CLTC: variants seen among roughly 807,000 people sequenced by gnomAD.
CLTC encodes the protein clathrin heavy chain, also known as clathrin heavy chain 1.
In CLTC, 16 loss-of-function variants were observed where a neutral mutation model predicts 195.8. The ratio of observed to expected loss-of-function variants is 0.08; its 90% CI spans 0.06 to 0.12. CLTC has a LOEUF of 0.12. CLTC is among the 10% of genes least tolerant of loss of function. CLTC has a pLI of 1.00. For synonymous variants in CLTC, 667 were observed against 689.4 expected, an observed-to-expected ratio of 0.97 and a Z score of 0.51; for missense variants, 796 against 2,027.0, an observed-to-expected ratio of 0.39 and a Z score of 11.66.
rs759874934 is a variant in CLTC, at chr17:59,663,952, A to G, written c.1479A>G (p.Ala493=). The G allele has an allele frequency of 1.2e-6, 2 of 1,613,894 alleles. No individual in the cohort carries two copies. The highest frequency in any genetic ancestry group is 1.7e-6 in the Non-Finnish European group (2 of 1,179,896). Residue 493 remains alanine, a synonymous_variant, in exon 9 of 32, where the codon GCA becomes GCG. Coordinates refer to ENST00000269122, the MANE Select transcript of CLTC (RefSeq NM_004859.4). The stretch of plus-strand genomic sequence containing the variant: ...CAAATAAAGTCATTCAGTGCTTTGC[A>G]GAAACAGGTCAAGTCCAAAAGATTG... The part of the protein sequence containing the change: ...NVPNKVIQCF[A]ETGQVQKIVL...
intron 31 of CLTC, 82 bp downstream of exon 31, chr17:59,690,793 C>T: frequency 1.8e-6 from 2 of 1,082,974 alleles, no homozygotes; most frequent in Non-Finnish European, 2.7e-6. Flanking sequence ...TAGAATACAA[C>T]AAGCTTCTAA....
chr17:59,647,197 T>C (rs551038766), intron 2 of CLTC, among the ~76,000 whole-genome samples: 3 of 152,310 alleles, frequency 2.0e-5, no homozygotes, highest in East Asian at 3.9e-4. Flanking sequence ...TTATTAGAGG[T>C]AATGTAGTTT....
chr17:59,657,502 C>T (rs1422268050), intron 6 of CLTC, among the ~76,000 whole-genome samples: 1 of 152,142 alleles, frequency 6.6e-6, no homozygotes, highest in Non-Finnish European at 1.5e-5. Flanking sequence ...CTCAGTGGCT[C>T]ATACCTGTAA....
rs1380829559 is a variant in CLTC at position 59,695,661 on chromosome 17, G to C, written c.*1809G>C. The C allele has an allele frequency of 1.1e-5, 2 of 180,178 alleles. No homozygotes were observed. The highest frequency in any genetic ancestry group is 4.7e-5 in the African/African-American group (2 of 42,216). The allele number at this position is 180,178 out of a possible 1,614,324, so 11.2% of individuals were successfully genotyped here. A position where few individuals can be genotyped will look rare whatever the true frequency, so the allele number is the denominator to read the frequency against. On this transcript the variant is annotated 3_prime_UTR_variant, in exon 32 of 32. Coordinates refer to ENST00000269122, the MANE Select transcript of CLTC (RefSeq NM_004859.4). The stretch of plus-strand genomic sequence containing the variant: ...TCCTGGGTGACAGAATGAGACTCTT[G>C]TCTCAAAAAACAAAAAAACCTATTT...
intron 30 of CLTC, among the ~76,000 whole-genome samples, chr17:59,688,616 T>C (rs770862982): frequency 6.6e-6 from 1 of 152,246 alleles, no homozygotes; most frequent in Non-Finnish European, 1.5e-5. Context: ...ACTTTTTGCT[T>C]AGCTTGATGC....
chr17:59,641,353 T>C (rs1013860234), intron 1 of CLTC, among the ~76,000 whole-genome samples: 6 of 151,540 alleles, frequency 4.0e-5, no homozygotes, highest in Non-Finnish European at 7.4e-5. Flanking sequence ...CTGACTGACT[T>C]GTCTAGACTG....
At chr17:59,686,802 A>G (rs558025472) in intron 30 of CLTC, among the ~76,000 whole-genome samples, 17 of 152,340 alleles carry the variant, frequency 1.1e-4, no homozygotes, top group Admixed American at 2.6e-4. Flanking sequence ...ATACTGTAGC[A>G]TAAATTCTTC....
intron 1 of CLTC, among the ~76,000 whole-genome samples, chr17:59,623,309 G>A (rs1356045342): frequency 6.6e-6 from 1 of 152,162 alleles, no homozygotes. Flanking sequence ...ATGCTTAGTT[G>A]TACTCTCTGG....
intron 9 of CLTC, 146 bp from the exon 10 acceptor site, chr17:59,664,641 A>C: frequency 4.5e-6 from 3 of 662,504 alleles, no homozygotes; most frequent in Non-Finnish European, 7.1e-6. Flanking sequence ...TGTCATCACC[A>C]AGGTCTAACT....
chr17:59,656,657 ATTATT>A (rs891025597), intron 6 of CLTC, among the ~76,000 whole-genome samples: 7 of 136,690 alleles, frequency 5.1e-5, no homozygotes, highest in Non-Finnish European at 1.1e-4. Context: ...CTGTCATCTT[ATTATT>A]TTAATTTTTT....
chr17:59,645,017 A>G (rs1445125860), intron 2 of CLTC, among the ~76,000 whole-genome samples: 1 of 152,248 alleles, frequency 6.6e-6, no homozygotes, highest in African/African-American at 2.4e-5. Flanking sequence ...ACATATATCT[A>G]CTTAGAATAA....
Position 59,666,413 on chromosome 17 carries a change from A to G in CLTC, c.1783-67A>G, listed in dbSNP as rs1348753185. The G allele has an allele frequency of 6.4e-7, 1 of 1,560,262 alleles. No individual in the cohort carries two copies. Among genetic ancestry groups the G allele is most frequent in the Non-Finnish European group, 8.7e-7 (1 of 1,144,806 alleles). Reference sequence around the variant, plus strand: ...GTTCACTATTAAACCTTAATCTGTAATACGGATATTGAATTACTCATGTAA... The same window carrying G: ...GTTCACTATTAAACCTTAATCTGTAGTACGGATATTGAATTACTCATGTAA... On this transcript the variant is annotated intron_variant, in intron 11 of 31. Coordinates refer to ENST00000269122, the MANE Select transcript of CLTC (RefSeq NM_004859.4). This position sits in a 1 kb window ranked among gnomAD's most constrained non-coding sequence, Gnocchi z 4.9.
intron 6 of CLTC, 35 bp from the exon 7 acceptor site, chr17:59,660,356 C>A: frequency 6.4e-7 from 1 of 1,565,076 alleles, no homozygotes. Context: ...TCCAAATGAA[C>A]ACATTGCAGC....
chr17:59,620,086 C>T lies in CLTC; in HGVS notation c.-46C>T, dbSNP rs1172993153. On this transcript the variant is annotated 5_prime_UTR_variant, in exon 1 of 32. Transcript: ENST00000269122. ...CTTGGAGAGCCCGGGCAGCCACTGC[C>T]CCGCAGCCCCAGTGACAGGAGGAGA... is the stretch of plus-strand genomic sequence containing the variant. 2 of 1,604,600 alleles carry T rather than the reference C, an allele frequency of 1.2e-6. No homozygotes were observed. The highest frequency in any genetic ancestry group is 2.2e-5 in the East Asian group (1 of 44,828).
At chr17:59,693,600 C>A in intron 31 of CLTC, 128 bp from the exon 32 acceptor site, 1 of 1,106,630 alleles carries the variant, frequency 9.0e-7, no homozygotes, top group Non-Finnish European at 1.3e-6. Flanking sequence ...AATGTGCCCC[C>A]CATACAACTC....
At chr17:59,659,881 C>A (rs1033454502) in intron 6 of CLTC, among the ~76,000 whole-genome samples, 12 of 152,068 alleles carry the variant, frequency 7.9e-5, no homozygotes, top group Non-Finnish European at 1.6e-4. Flanking sequence ...CCAAAAAATT[C>A]TTGTAAAGAA....
intron 5 of CLTC, among the ~76,000 whole-genome samples, chr17:59,654,366 C>T (rs2032410102): frequency 6.6e-6 from 1 of 150,852 alleles, no homozygotes; most frequent in African/African-American, 2.4e-5. Context: ...TTAGTAGAGA[C>T]AGGGCTTCAC....
intron 30 of CLTC, among the ~76,000 whole-genome samples, chr17:59,687,905 A>G (rs758028639): frequency 1.5e-4 from 23 of 152,114 alleles, no homozygotes; most frequent in Non-Finnish European, 2.9e-4. Context: ...TCTGTTATCA[A>G]ATTGTGGTTA....
rs975447560 is a variant in CLTC at position 59,685,948 on chromosome 17, A to AT, written c.4827+149dup. The AT allele has an allele frequency of 2.7e-4, 175 of 646,398 alleles. No homozygotes were observed. Among genetic ancestry groups the AT allele is most frequent in the South Asian group, 3.5e-4 (14 of 40,206 alleles). 40.0% of individuals were successfully genotyped at this position (646,398 alleles called of 1,614,324 possible). ...CATAAAATATTCCTGTTCTTTTGAA[A>AT]TTTTTTTTTAATAGCTGACAAATGA... is the stretch of plus-strand genomic sequence containing the variant. On this transcript the variant is annotated intron_variant, in intron 30 of 31. Coordinates refer to ENST00000269122, the MANE Select transcript of CLTC (RefSeq NM_004859.4). This position sits in a 1 kb window ranked among gnomAD's most constrained non-coding sequence, Gnocchi z 5.0.
Sources: allele counts gnomAD v4.1 joint callset (sites outside exome capture counted in the v4.1 genomes callset), GRCh38; gene constraint gnomAD v4.1.1; non-coding constraint Gnocchi (gnomAD v3.1); transcripts MANE v1.5; gene names NCBI Gene and HGNC (gene_info 2026-07-23, HGNC 2026-07-21).